The following MYO3B variants were observed in gnomAD, a reference collection of about 807,000 sequenced individuals.
The protein encoded by MYO3B is myosin IIIB, also known as myosin-IIIb.
Under a neutral mutation model 174.6 loss-of-function variants are expected in MYO3B, and 156 were observed. The ratio of observed to expected loss-of-function variants is 0.89; its 90% CI spans 0.78 to 1.02. The LOEUF is 1.02. Among genes scored for constraint, MYO3B ranks in the 50% least tolerant of loss-of-function variants. The pLI, the probability that MYO3B is intolerant of heterozygous loss-of-function variation, is 0.00. For synonymous variants in MYO3B, 563 were observed against 569.1 expected, an observed-to-expected ratio of 0.99 and a Z score of 0.15; for missense variants, 1,632 against 1,639.4, an observed-to-expected ratio of 1.00 and a Z score of 0.08.
At chr2:170,248,867 G>A (rs1221281470) in intron 7 of MYO3B, among the ~76,000 whole-genome samples, 1 of 152,170 alleles carries the variant, frequency 6.6e-6, no homozygotes, top group Non-Finnish European at 1.5e-5. Flanking sequence ...CTGGGTATTA[G>A]GACACGGACA....
chr2:170,588,962 C>T lies in MYO3B; in HGVS notation c.3733+44974C>T, dbSNP rs183695315. Among the ~76,000 whole-genome samples the T allele has an allele frequency of 7.1e-4, 108 of 152,174 alleles. 1 individual carries two copies. Among genetic ancestry groups the T allele is most frequent in the African/African-American group, 1.9e-3 (78 of 41,512 alleles). On this transcript the variant is annotated intron_variant, in intron 32 of 34. Coordinates refer to ENST00000408978, the MANE Select transcript of MYO3B (RefSeq NM_138995.5). ...AAAATCAACAAGGCTGTGGTTGAGA[C>T]GGCCAACAACTTTAACCTGGGTGTG...
Position 170,321,751 on chromosome 2 carries a change from G to A in MYO3B, c.750-13634G>A, listed in dbSNP as rs557396899. Among the ~76,000 whole-genome samples the A allele has an allele frequency of 3.7e-4, 56 of 152,222 alleles. 1 individual carries two copies. Among genetic ancestry groups the A allele is most frequent in the African/African-American group, 1.3e-3 (54 of 41,526 alleles). ...TATTTTTCATCTTAATTAAGATGCA[G>A]TATCAGTGATACACTTCCCCAGTTT... On this transcript the variant is annotated intron_variant, in intron 7 of 34. Transcript: ENST00000408978.
intron 32 of MYO3B, among the ~76,000 whole-genome samples, chr2:170,625,509 T>G (rs888359817): frequency 6.6e-6 from 1 of 152,244 alleles, no homozygotes; most frequent in African/African-American, 2.4e-5. Flanking sequence ...AACCAGCTCC[T>G]GGATTCATTG....
intron 7 of MYO3B, among the ~76,000 whole-genome samples, chr2:170,286,033 C>T (rs1436982489): frequency 6.6e-6 from 1 of 152,114 alleles, no homozygotes; most frequent in Non-Finnish European, 1.5e-5. Flanking sequence ...TATTTCTGGT[C>T]TCTGTTTTGT....
intron 25 of MYO3B, among the ~76,000 whole-genome samples, chr2:170,492,314 T>A (rs1468281492): frequency 6.6e-6 from 1 of 152,212 alleles, no homozygotes; most frequent in Non-Finnish European, 1.5e-5. Context: ...AGTACTCTGC[T>A]GAATGCTTGA....
At position 170,318,765 on chromosome 2, in the gene MYO3B, A is replaced by G. The variant is rs929475433; in HGVS notation, c.750-16620A>G. 3.9e-5 allele frequency among the ~76,000 whole-genome samples: 6 copies of G among 152,144 alleles called. No homozygotes were observed. In the South Asian group the frequency reaches 1.0e-3, roughly 26 times the overall value. On this transcript the variant is annotated intron_variant, in intron 7 of 34. Transcript: ENST00000408978. ...TAGTGTGGGTTGGAGCTTGATGACAACTAACACCCAAAGGTATGAGAATCA... is the reference window on the plus strand; with the variant it reads ...TAGTGTGGGTTGGAGCTTGATGACAGCTAACACCCAAAGGTATGAGAATCA...
intron 14 of MYO3B, among the ~76,000 whole-genome samples, chr2:170,390,613 A>G (rs2094405196): frequency 6.6e-6 from 1 of 152,158 alleles, no homozygotes. Flanking sequence ...GGATAAGGGG[A>G]GAAGAAAGAC....
At chr2:170,199,678 T>C (rs2092639943) in intron 2 of MYO3B, among the ~76,000 whole-genome samples, 1 of 152,192 alleles carries the variant, frequency 6.6e-6, no homozygotes. Flanking sequence ...GGTCTTTCTG[T>C]AAGTTACAAA....
At chr2:170,359,450 T>C (rs1029271281) in intron 8 of MYO3B, among the ~76,000 whole-genome samples, 8 of 152,192 alleles carry the variant, frequency 5.3e-5, no homozygotes, top group Non-Finnish European at 1.0e-4. Flanking sequence ...AAAGCAAATA[T>C]CTAATTGTGT....
intron 8 of MYO3B, among the ~76,000 whole-genome samples, chr2:170,357,325 A>G (rs564561209): frequency 1.5e-5 from 2 of 137,084 alleles, no homozygotes; most frequent in South Asian, 4.6e-4. Context: ...AAAAATAAAA[A>G]TAAATAATAT....
intron 32 of MYO3B, among the ~76,000 whole-genome samples, chr2:170,614,789 G>T (rs1177405161): frequency 6.6e-6 from 1 of 152,172 alleles, no homozygotes. Flanking sequence ...GACTCTCAGA[G>T]AATTCACAGG....
At chr2:170,488,753 T>C (rs1334423456) in intron 25 of MYO3B, among the ~76,000 whole-genome samples, 1 of 152,172 alleles carries the variant, frequency 6.6e-6, no homozygotes, top group Non-Finnish European at 1.5e-5. Context: ...AGTTGGAATT[T>C]AGAAAGAGTT....
chr2:170,437,916 T>G (rs770529077), intron 22 of MYO3B, among the ~76,000 whole-genome samples: 17 of 152,152 alleles, frequency 1.1e-4, no homozygotes, highest in Admixed American at 4.6e-4. Flanking sequence ...GTGTCCCAGT[T>G]GGAGACTTTT....
intron 32 of MYO3B, among the ~76,000 whole-genome samples, chr2:170,603,208 T>A (rs1347988107): frequency 1.3e-5 from 2 of 152,198 alleles, no homozygotes; most frequent in Non-Finnish European, 2.9e-5. Flanking sequence ...ACCCTCAGAA[T>A]ACGTTACTTA....
chr2:170,648,599 G>A (rs1698556789), intron 32 of MYO3B, among the ~76,000 whole-genome samples: 2 of 125,142 alleles, frequency 1.6e-5, no homozygotes, highest in South Asian at 2.6e-4. Context: ...CTCTAGCCTG[G>A]GTGACAGAAT....
chr2:170,535,064 C>A (rs1328367138), intron 30 of MYO3B, among the ~76,000 whole-genome samples: 1 of 152,192 alleles, frequency 6.6e-6, no homozygotes, highest in East Asian at 1.9e-4. Flanking sequence ...CTTTAACTTT[C>A]CTCTTTGGCA....
Position 170,383,803 on chromosome 2 carries a change from A to G in MYO3B, c.1279A>G (p.Ser427Gly). Residue 427 changes from serine (S) to glycine (G), a missense_variant, in exon 12 of 35, where the codon AGC (serine) becomes GGC (glycine). Physicochemically the swap from Ser to Gly is moderately conservative, Grantham distance 56. Transcript: ENST00000408978. The stretch of plus-strand genomic sequence containing the variant: ...TGCTTACCAGTGCATGGTTACTCTC[A>G]GCAAAGACCAGGTAAGAACTCACCT... Reference protein sequence around the residue: ...DAAYQCMVTLSKDQCIVISGE... With the variant: ...DAAYQCMVTLGKDQCIVISGE... 3 of 1,612,876 alleles carry G rather than the reference A, an allele frequency of 1.9e-6. No homozygotes were observed. In the African/African-American group the frequency reaches 4.0e-5, roughly 22 times the overall value.
rs138441535 is a variant in MYO3B at position 170,636,665 on chromosome 2, C to T, written c.3734-14963C>T. ...TCCCACCCTTCCAGAGCTGGTGGCG[C>T]GTTTCCCGGTGCCATCATGGATGTC... On this transcript the variant is annotated intron_variant, in intron 32 of 34. Transcript: ENST00000408978. 7.8e-4 allele frequency among the ~76,000 whole-genome samples: 119 copies of T among 152,188 alleles called. 1 individual carries two copies. Among genetic ancestry groups the T allele is most frequent in the Non-Finnish European group, 1.4e-3 (98 of 68,018 alleles).
intron 7 of MYO3B, among the ~76,000 whole-genome samples, chr2:170,248,878 T>C (rs1402755996): frequency 1.3e-5 from 2 of 152,246 alleles, no homozygotes; most frequent in Non-Finnish European, 2.9e-5. Flanking sequence ...GACACGGACA[T>C]CTTTATTCTG....
Sources: allele counts gnomAD v4.1 joint callset (sites outside exome capture counted in the v4.1 genomes callset), GRCh38; gene constraint gnomAD v4.1.1; transcripts MANE v1.5; gene names NCBI Gene and HGNC (gene_info 2026-07-23, HGNC 2026-07-21).